Variants in TSNARE1 observed in about 807,000 individuals in gnomAD.
The protein encoded by TSNARE1 is t-SNARE domain containing 1.
In TSNARE1, 49 loss-of-function variants were observed where a neutral mutation model predicts 62.0. That is an observed-to-expected ratio of 0.79 (90% CI 0.63 to 1.00). TSNARE1 has a LOEUF of 1.00. Among genes scored for constraint, TSNARE1 ranks in the 50% least tolerant of loss-of-function variants. TSNARE1 has a pLI of 0.00. For missense variants in TSNARE1, 755 were observed against 700.1 expected, an observed-to-expected ratio of 1.08 and a Z score of -0.88; for synonymous variants, 328 against 294.4, an observed-to-expected ratio of 1.11 and a Z score of -1.17.
rs200982703 is a variant in TSNARE1 at position 142,300,455 on chromosome 8, G to T, written c.1290+31C>A. On this transcript the variant is annotated intron_variant, in intron 10 of 13. Transcript: ENST00000524325. The stretch of plus-strand genomic sequence containing the variant: ...TTCCCAGCCTCATGTGGAGTGTGGA[G>T]AGTGAGCACGCTTGCCCACGCCAGC... 6 of 1,581,414 alleles carry T rather than the reference G, an allele frequency of 3.8e-6. No homozygotes were observed. In the African/African-American group the frequency reaches 8.0e-5, roughly 21 times the overall value.
rs1294443241 is a variant in TSNARE1 at position 142,355,570 on chromosome 8, A to G, written c.-39-807T>C. On this transcript the variant is annotated intron_variant, in intron 1 of 13. Coordinates refer to ENST00000524325, the MANE Select transcript of TSNARE1 (RefSeq NM_145003.5). ...GACTCAGAGCAAATGACCAGAGGAT[A>G]ACGGGAGCTCTCCTGCCCAGACACT... is the stretch of plus-strand genomic sequence containing the variant. Among the ~76,000 whole-genome samples the G allele has an allele frequency of 4.6e-5, 7 of 152,204 alleles. No individual in the cohort carries two copies. In the East Asian group the frequency reaches 1.2e-3, roughly 25 times the overall value.
At chr8:142,371,187 T>C (rs923441532) in intron 1 of TSNARE1, among the ~76,000 whole-genome samples, 12 of 152,222 alleles carry the variant, frequency 7.9e-5, no homozygotes, top group African/African-American at 1.4e-4. Context: ...ATCTATTAAA[T>C]ACACATTGAA....
chr8:142,282,928 T>G (rs1257245867), intron 11 of TSNARE1, among the ~76,000 whole-genome samples: 2 of 105,526 alleles, frequency 1.9e-5, no homozygotes, highest in African/African-American at 4.0e-5. Flanking sequence ...TGAGCGGAGG[T>G]GGGGCCACTG....
rs568342797 is a variant in TSNARE1 at position 142,217,815 on chromosome 8, TC to T, written c.*12-5503del. Reference sequence around the variant, plus strand: ...TTCAGGGTGTGGCCAGGATCAGCGTTCAGGGTGTGAGCAGGATCAGGGCTCA... The same window carrying T: ...TTCAGGGTGTGGCCAGGATCAGCGTTAGGGTGTGAGCAGGATCAGGGCTCA... On this transcript the variant is annotated intron_variant, in intron 13 of 13. Coordinates refer to ENST00000524325, the MANE Select transcript of TSNARE1 (RefSeq NM_145003.5). 1.8e-4 allele frequency among the ~76,000 whole-genome samples: 26 copies of T among 147,736 alleles called. No homozygotes were observed. In the South Asian group the frequency reaches 5.4e-3, roughly 31 times the overall value.
chr8:142,298,416 C>T (rs753281174), intron 10 of TSNARE1, among the ~76,000 whole-genome samples: 12 of 152,246 alleles, frequency 7.9e-5, no homozygotes, highest in South Asian at 4.2e-4. Context: ...GTGGCTGCAC[C>T]GGGCACGAGC....
At chr8:142,264,184 T>A (rs1388251459) in intron 12 of TSNARE1, among the ~76,000 whole-genome samples, 1 of 152,242 alleles carries the variant, frequency 6.6e-6, no homozygotes, top group Non-Finnish European at 1.5e-5. Flanking sequence ...TTCTTTGACC[T>A]CTGAGTTATG....
intron 13 of TSNARE1, among the ~76,000 whole-genome samples, chr8:142,225,499 T>C (rs1434972578): frequency 6.7e-6 from 1 of 149,860 alleles, no homozygotes; most frequent in African/African-American, 2.4e-5. Context: ...CATCTATCTC[T>C]CCTGCTGGGA....
intron 12 of TSNARE1, among the ~76,000 whole-genome samples, chr8:142,264,665 AATAT>A: frequency 6.6e-6 from 1 of 152,320 alleles, no homozygotes; most frequent in Admixed American, 6.5e-5. Flanking sequence ...GTGTATCCTT[AATAT>A]ATACTTTTTG....
At chr8:142,217,659 A>T (rs189330468) in intron 13 of TSNARE1, among the ~76,000 whole-genome samples, 1 of 152,354 alleles carries the variant, frequency 6.6e-6, no homozygotes, top group Admixed American at 6.5e-5. Flanking sequence ...GGCCTCATCA[A>T]TGAAGGGTCA....
Position 142,300,536 on chromosome 8 carries a change from C to CT in TSNARE1, c.1239dup (p.Glu414ArgfsTer42), listed in dbSNP as rs761093848. 1 of 1,611,778 alleles carries CT rather than the reference C, an allele frequency of 6.2e-7. No individual in the cohort carries two copies. Among genetic ancestry groups the CT allele is most frequent in the Non-Finnish European group, 8.5e-7 (1 of 1,179,998 alleles). ...CGCAGCCGGATGGCCTCCAGGTCCT[C>CT]TTCAGTGATGTCCGGGAGCAGCGCC... On this transcript the variant is annotated frameshift_variant, in exon 10 of 14. Transcript: ENST00000524325. LOFTEE classifies it high-confidence loss of function.
rs998320580 is a variant in TSNARE1, at chr8:142,299,639, TCACGCACG to T, written c.1290+839_1290+846del. On this transcript the variant is annotated intron_variant, in intron 10 of 13. Transcript: ENST00000524325. ...TACACATGCATGCACACACACGCAC[TCACGCACG>T]CACGCATACTTGCATGCACACACGC... is the stretch of plus-strand genomic sequence containing the variant. 3.9e-5 allele frequency among the ~76,000 whole-genome samples: 6 copies of T among 152,018 alleles called. No homozygotes were observed. In the South Asian group the frequency reaches 8.3e-4, roughly 21 times the overall value.
chr8:142,379,016 G>A (rs758607976), intron 1 of TSNARE1, among the ~76,000 whole-genome samples: 13 of 152,204 alleles, frequency 8.5e-5, no homozygotes, highest in East Asian at 1.9e-4. Flanking sequence ...CCCTGGATGC[G>A]GCTATCATGC....
chr8:142,217,297 G>GAAA (rs1275271255), intron 13 of TSNARE1, among the ~76,000 whole-genome samples: 2 of 58,718 alleles, frequency 3.4e-5, no homozygotes, highest in African/African-American at 1.2e-4. Context: ...AAGAAAGAAA[G>GAAA]AAAGAAAAAG....
intron 1 of TSNARE1, among the ~76,000 whole-genome samples, chr8:142,370,890 A>G (rs1434474140): frequency 1.3e-5 from 2 of 151,966 alleles, no homozygotes; most frequent in Non-Finnish European, 1.5e-5. Flanking sequence ...ATACCCAGTG[A>G]AAATATCTTC....
chr8:142,403,050 C>T (rs1838422126), intron 1 of TSNARE1, 54 bp downstream of exon 1: 2 of 148,294 alleles, frequency 1.3e-5, no homozygotes, highest in African/African-American at 4.9e-5. Flanking sequence ...GCCTCGCCCT[C>T]GCCGCCCCAC....
rs73366644 is a variant in TSNARE1 at position 142,271,334 on chromosome 8, A to T, written c.1446+3447T>A. 2.2e-5 allele frequency: 25 copies of T among 1,153,142 alleles called. 1 individual carries two copies. In the South Asian group the frequency reaches 1.0e-3, roughly 48 times the overall value. The allele number at this position is 1,153,142 out of a possible 1,614,324, so 71.4% of individuals were successfully genotyped here. On this transcript the variant is annotated intron_variant, in intron 12 of 13. Transcript: ENST00000524325. Reference sequence around the variant, plus strand: ...CTGCTCGGCCAGCCGCTGCAGCAGCAGGTTTTGCTGGGCCATGAGTGTGCT... The same window carrying T: ...CTGCTCGGCCAGCCGCTGCAGCAGCTGGTTTTGCTGGGCCATGAGTGTGCT...
intron 9 of TSNARE1, among the ~76,000 whole-genome samples, chr8:142,302,169 CTCCTGCAGCCCTCAGG>C (rs1450268820): frequency 6.6e-6 from 1 of 152,162 alleles, no homozygotes; most frequent in East Asian, 1.9e-4. Context: ...CAGGCTGCTG[CTCCTGCAGCCCTCAGG>C]AGCAGACCCA....
At chr8:142,317,399 A>G (rs1005859486) in intron 7 of TSNARE1, among the ~76,000 whole-genome samples, 1 of 149,614 alleles carries the variant, frequency 6.7e-6, no homozygotes, top group South Asian at 2.1e-4. Context: ...TGTACGCGTG[A>G]AGCGGGTATG....
intron 3 of TSNARE1, among the ~76,000 whole-genome samples, 180 bp downstream of exon 3, chr8:142,345,563 G>A (rs888005359): frequency 2.6e-5 from 4 of 152,180 alleles, no homozygotes; most frequent in Non-Finnish European, 5.9e-5. Context: ...TGTATGGGCC[G>A]GCTGCACCCT....
Sources: allele counts gnomAD v4.1 joint callset (sites outside exome capture counted in the v4.1 genomes callset), GRCh38; gene constraint gnomAD v4.1.1; transcripts MANE v1.5; gene names NCBI Gene and HGNC (gene_info 2026-07-23, HGNC 2026-07-21).